MACROD1: variants seen among roughly 807,000 people sequenced by gnomAD.
MACROD1 encodes mono-ADP ribosylhydrolase 1.
A neutral mutation model predicts 41.4 loss-of-function variants in MACROD1; 31 were observed. The observed-to-expected ratio is 0.75, with a 90% CI of 0.56 to 1.01. MACROD1 has a LOEUF of 1.01. MACROD1 is among the 50% of genes least tolerant of loss of function. The pLI is 0.00. For missense variants in MACROD1, 473 were observed against 460.0 expected, an observed-to-expected ratio of 1.03 and a Z score of -0.26; for synonymous variants, 252 against 203.4, an observed-to-expected ratio of 1.24 and a Z score of -2.03.
At chr11:64,144,682 T>C (rs2701538) in intron 3 of MACROD1, among the ~76,000 whole-genome samples, 145,747 of 152,276 alleles carry the variant, frequency 0.96, 70,070 homozygotes, top group Middle Eastern at 1. Context: ...AGGCCCATGT[T>C]GCTAACAGGT....
intron 4 of MACROD1, among the ~76,000 whole-genome samples, chr11:64,011,234 G>A (rs1943011935): frequency 6.7e-6 from 1 of 150,258 alleles, no homozygotes; most frequent in South Asian, 2.1e-4. Flanking sequence ...TGGTTGGGGT[G>A]TTGGTTGGGG....
intron 3 of MACROD1, among the ~76,000 whole-genome samples, chr11:64,136,246 A>G (rs1452222452): frequency 6.6e-6 from 1 of 152,008 alleles, no homozygotes; most frequent in Middle Eastern, 3.2e-3. Context: ...TGTGCCCACA[A>G]CTCCTCATTC....
intron 3 of MACROD1, among the ~76,000 whole-genome samples, chr11:64,131,938 G>C (rs982145165): frequency 7.2e-5 from 11 of 152,198 alleles, no homozygotes; most frequent in African/African-American, 2.7e-4. Context: ...AGTGGCGGGA[G>C]GGAGGGGCGC....
At chr11:64,077,273 C>T (rs749134114) in intron 3 of MACROD1, among the ~76,000 whole-genome samples, 2 of 152,184 alleles carry the variant, frequency 1.3e-5, no homozygotes, top group African/African-American at 4.8e-5. Context: ...GTACCCCAGG[C>T]GGCCAGCTGG....
chr11:64,024,706 T>G (rs1590809874), intron 3 of MACROD1, among the ~76,000 whole-genome samples: 1 of 151,826 alleles, frequency 6.6e-6, no homozygotes, highest in Non-Finnish European at 1.5e-5. Flanking sequence ...CCTTGGCGGG[T>G]GGGAGGGTGG....
chr11:64,153,790 G>A (rs1945622056), intron 1 of MACROD1, among the ~76,000 whole-genome samples: 1 of 152,102 alleles, frequency 6.6e-6, no homozygotes, highest in Admixed American at 6.5e-5. Flanking sequence ...CCATAAACAT[G>A]TTTGGGCACG....
intron 3 of MACROD1, among the ~76,000 whole-genome samples, chr11:64,040,095 G>A (rs1332641046): frequency 3.9e-5 from 6 of 152,240 alleles, no homozygotes; most frequent in Non-Finnish European, 8.8e-5. Flanking sequence ...GCACAGTGCT[G>A]GGCTCTGGGA....
chr11:64,146,761 ACACACACGCAT>A lies in MACROD1; in HGVS notation c.517+4467_517+4477del, dbSNP rs1382381210. Among the ~76,000 whole-genome samples, 3 of 151,368 alleles carry A rather than the reference ACACACACGCAT, an allele frequency of 2.0e-5. No homozygotes were observed. The highest frequency in any genetic ancestry group is 4.4e-5 in the Non-Finnish European group (3 of 67,856). ...AAGCACAGACACACACACATCACGC[ACACACACGCAT>A]CACACACATCATACAAATGCATACG... On this transcript the variant is annotated intron_variant, in intron 3 of 10. Coordinates refer to ENST00000255681, the MANE Select transcript of MACROD1 (RefSeq NM_014067.4). This position sits in a 1 kb window ranked among gnomAD's most constrained non-coding sequence, Gnocchi z 4.7.
Position 64,116,943 on chromosome 11 carries a change from C to T in MACROD1, c.517+34296G>A, listed in dbSNP as rs565858250. 2.3e-5 allele frequency: 37 copies of T among 1,611,442 alleles called. No homozygotes were observed. In the East Asian group the frequency reaches 3.6e-4, roughly 16 times the overall value. The stretch of plus-strand genomic sequence containing the variant: ...CTTCAAGGGCCTCAACAGCCTGCGG[C>T]GCCTGGTGCTGGACGGTAACCTGCT... On this transcript the variant is annotated intron_variant, in intron 3 of 10. Transcript: ENST00000255681.
intron 3 of MACROD1, among the ~76,000 whole-genome samples, chr11:64,084,415 C>T (rs990623355): frequency 3.9e-5 from 6 of 152,212 alleles, no homozygotes; most frequent in African/African-American, 7.2e-5. Flanking sequence ...CTACCTTTCC[C>T]GCGAAGCCCC....
chr11:64,028,411 G>C (rs1018190745), intron 3 of MACROD1, among the ~76,000 whole-genome samples: 4 of 152,240 alleles, frequency 2.6e-5, no homozygotes, highest in Non-Finnish European at 5.9e-5. Flanking sequence ...TCCCAGCTTG[G>C]GCTCCACGCT....
At chr11:64,024,353 G>A (rs895357110) in intron 3 of MACROD1, among the ~76,000 whole-genome samples, 2 of 152,178 alleles carry the variant, frequency 1.3e-5, no homozygotes, top group African/African-American at 4.8e-5. Context: ...CTCCCCACAA[G>A]AGCCCGTTGA....
In MACROD1 at chr11:64,120,124, G is replaced by A. The variant is rs980064931; in HGVS notation, c.517+31115C>T. ...GGGCAGGGGTTACGTTAAAAGGCCC[G>A]ACCGCCACCTTCAGTGAGGAGATGG... On this transcript the variant is annotated intron_variant, in intron 3 of 10. Transcript: ENST00000255681. This position sits in a 1 kb window ranked among gnomAD's most constrained non-coding sequence, Gnocchi z 4.5. 1.3e-5 allele frequency among the ~76,000 whole-genome samples: 2 copies of A among 152,160 alleles called. No homozygotes were observed. Among genetic ancestry groups the A allele is most frequent in the African/African-American group, 4.8e-5 (2 of 41,440 alleles).
chr11:64,115,932 C>T (rs1029655114), intron 3 of MACROD1, among the ~76,000 whole-genome samples: 2 of 152,250 alleles, frequency 1.3e-5, no homozygotes, highest in African/African-American at 2.4e-5. Flanking sequence ...CTCCGGATCA[C>T]ATTCCAGGAG....
At chr11:64,158,413 A>G (rs1945702298) in intron 1 of MACROD1, among the ~76,000 whole-genome samples, 1 of 151,950 alleles carries the variant, frequency 6.6e-6, no homozygotes. Context: ...TCTTTTTTTA[A>G]TTTTATTTTT....
At chr11:64,037,993 C>T (rs1286026866) in intron 3 of MACROD1, among the ~76,000 whole-genome samples, 1 of 152,190 alleles carries the variant, frequency 6.6e-6, no homozygotes, top group Non-Finnish European at 1.5e-5. Context: ...AGGGTATCTG[C>T]AGGGACTTCA....
At chr11:64,107,483 CCA>C (rs1298446378) in intron 3 of MACROD1, among the ~76,000 whole-genome samples, 2 of 152,238 alleles carry the variant, frequency 1.3e-5, no homozygotes, top group Non-Finnish European at 2.9e-5. Flanking sequence ...CCGCCTGGCA[CCA>C]GCGCCACCCA....
intron 1 of MACROD1, among the ~76,000 whole-genome samples, chr11:64,160,586 G>A (rs1945738894): frequency 6.6e-6 from 1 of 152,098 alleles, no homozygotes; most frequent in Non-Finnish European, 1.5e-5. Context: ...GGAGGTGGGA[G>A]GATCACTTGA....
chr11:64,026,625 CT>C (rs1943227339), intron 3 of MACROD1, among the ~76,000 whole-genome samples: 1 of 152,214 alleles, frequency 6.6e-6, no homozygotes, highest in Admixed American at 6.5e-5. Flanking sequence ...CACTTCCCTG[CT>C]TAAAATTCTC....
Sources: allele counts gnomAD v4.1 joint callset (sites outside exome capture counted in the v4.1 genomes callset), GRCh38; gene constraint gnomAD v4.1.1; non-coding constraint Gnocchi (gnomAD v3.1); transcripts MANE v1.5; gene names NCBI Gene and HGNC (gene_info 2026-07-23, HGNC 2026-07-21).